The following RTN4 variants were observed in gnomAD, a reference collection of about 807,000 sequenced individuals.
The protein encoded by RTN4 is reticulon 4.
A neutral mutation model predicts 90.4 loss-of-function variants in RTN4; 32 were observed. That is an observed-to-expected ratio of 0.35 (90% confidence interval 0.27 to 0.48). The LOEUF is 0.48. Ranked by LOEUF, RTN4 falls within the 20% of genes least tolerant of loss-of-function variation. The pLI is 0.99. For missense variants in RTN4, 1,706 were observed against 1,430.2 expected, an observed-to-expected ratio of 1.19 and a Z score of -3.11; for synonymous variants, 629 against 552.5, an observed-to-expected ratio of 1.14 and a Z score of -1.94.
At chr2:55,131,756 C>T in the RTN4 span, among the ~76,000 whole-genome samples, 2 of 151,950 alleles carry the variant, frequency 1.3e-5, no homozygotes, top group Non-Finnish European at 2.9e-5. Context: ...TGGTGGTGTG[C>T]ACCTGTAATC....
chr2:54,991,556 T>C (rs913663533), intron 3 of RTN4, among the ~76,000 whole-genome samples: 2 of 152,200 alleles, frequency 1.3e-5, no homozygotes, highest in African/African-American at 4.8e-5. Context: ...TTCTAATCTC[T>C]CTTTTCCCTT....
At chr2:55,092,409 AT>A (rs769612282) in intron 1 of RTN4, among the ~76,000 whole-genome samples, 27 of 151,898 alleles carry the variant, frequency 1.8e-4, no homozygotes, top group Admixed American at 4.6e-4. Flanking sequence ...CTAATTTTGT[AT>A]TTTTAGTAGA....
intron 3 of RTN4, among the ~76,000 whole-genome samples, chr2:55,014,138 T>C (rs1680854315): frequency 6.6e-6 from 1 of 152,204 alleles, no homozygotes; most frequent in African/African-American, 2.4e-5. Flanking sequence ...ATGCCCTCTA[T>C]GGACTAAATT....
chr2:54,974,020 T>A, intron 6 of RTN4, 153 bp from the exon 7 acceptor site: 2 of 618,404 alleles, frequency 3.2e-6, no homozygotes, highest in South Asian at 4.0e-5. Context: ...CATCTGCTGT[T>A]GAGGAGCCAC....
chr2:54,997,143 AAT>A (rs1156607159), intron 3 of RTN4, among the ~76,000 whole-genome samples: 2 of 152,232 alleles, frequency 1.3e-5, no homozygotes, highest in Non-Finnish European at 2.9e-5. Flanking sequence ...TTGTACTCAG[AAT>A]ATATTGAAAA....
intron 1 of RTN4, among the ~76,000 whole-genome samples, chr2:55,036,551 A>G (rs1682695446): frequency 6.9e-6 from 1 of 143,958 alleles, no homozygotes; most frequent in Admixed American, 7.5e-5. Context: ...GCAGTGAGCC[A>G]ATATCGTGCC....
chr2:55,079,572 A>G (rs1178396674), intron 2 of RTN4, among the ~76,000 whole-genome samples: 2 of 152,154 alleles, frequency 1.3e-5, no homozygotes, highest in Non-Finnish European at 2.9e-5. Flanking sequence ...TTCAATAAAA[A>G]CTGAAAATCT....
intron 1 of RTN4, chr2:55,046,795 T>G (rs1380254295): frequency 6.6e-6 from 1 of 152,196 alleles, no homozygotes; most frequent in Non-Finnish European, 1.5e-5. Context: ...ACAACCATAA[T>G]CACAATGTTC....
chr2:55,134,614 T>A, the RTN4 span, among the ~76,000 whole-genome samples: 4 of 152,138 alleles, frequency 2.6e-5, no homozygotes, highest in South Asian at 8.3e-4. Context: ...GCAAAGAGAA[T>A]ATTATTCTTC....
upstream of RTN4, among the ~76,000 whole-genome samples, chr2:55,112,865 C>T (rs1325226082): frequency 2.0e-5 from 3 of 152,382 alleles, no homozygotes; most frequent in Non-Finnish European, 2.9e-5. Context: ...TGCCAACCCC[C>T]AGCTGGAGTT....
chr2:54,997,563 A>G (rs1679528427), intron 3 of RTN4, among the ~76,000 whole-genome samples: 1 of 152,232 alleles, frequency 6.6e-6, no homozygotes, highest in East Asian at 1.9e-4. Flanking sequence ...TCATAGCAGC[A>G]TTATTCATGA....
chr2:55,021,884 T>C, intron 3 of RTN4, among the ~76,000 whole-genome samples: 1 of 152,262 alleles, frequency 6.6e-6, no homozygotes, highest in South Asian at 2.1e-4. Flanking sequence ...CTCTATTCCC[T>C]AGTAAGTTGC....
At chr2:55,089,058 G>C (rs538750896) in intron 1 of RTN4, among the ~76,000 whole-genome samples, 1 of 151,946 alleles carries the variant, frequency 6.6e-6, no homozygotes, top group Non-Finnish European at 1.5e-5. Flanking sequence ...TCAGCCTCCC[G>C]AGTAGCTGGG....
At chr2:54,995,435 TC>T (rs754590679) in intron 3 of RTN4, among the ~76,000 whole-genome samples, 1 of 152,100 alleles carries the variant, frequency 6.6e-6, no homozygotes, top group Non-Finnish European at 1.5e-5. Context: ...TAGGAGCACC[TC>T]CTACCACCAC....
chr2:55,038,548 A>G (rs1682848004), intron 1 of RTN4, among the ~76,000 whole-genome samples: 1 of 152,230 alleles, frequency 6.6e-6, no homozygotes, highest in South Asian at 2.1e-4. Flanking sequence ...CCCTAGGGAA[A>G]TCTAGATTAA....
At chr2:54,983,060 T>C (rs2104648253) in intron 4 of RTN4, among the ~76,000 whole-genome samples, 2 of 151,814 alleles carry the variant, frequency 1.3e-5, no homozygotes, top group South Asian at 2.1e-4. Context: ...GTTATGACTA[T>C]GGTTGTTTTT....
At chr2:55,117,193 G>A (rs1298644945), upstream of RTN4, among the ~76,000 whole-genome samples, 1 of 152,120 alleles carries the variant, frequency 6.6e-6, no homozygotes, top group African/African-American at 2.4e-5. Context: ...TTTCTTACGT[G>A]ATGGATCAGA....
the RTN4 span, among the ~76,000 whole-genome samples, chr2:55,137,375 G>T: frequency 6.6e-6 from 1 of 152,162 alleles, no homozygotes; most frequent in Non-Finnish European, 1.5e-5. Context: ...TGACGCTACG[G>T]AGTCAGGAAA....
rs1573418140 is a variant in RTN4, at chr2:55,026,848, T to C, written c.1251A>G (p.Glu417=). ...AAGGKIESNL[E]SKVDKKCFAD... ...CAAAACATTTTTTATCCACTTTACT[T>C]TCCAAGTTGCTCTCGATTTTACCTC... Residue 417 remains glutamate, a synonymous_variant, in exon 3 of 9, where the codon GAA becomes GAG. Transcript: ENST00000337526. 2.5e-6 allele frequency: 4 copies of C among 1,613,924 alleles called. No homozygotes were observed. In the East Asian group the frequency reaches 8.9e-5, roughly 36 times the overall value.
Sources: gnomAD v4.1 joint callset for allele counts (sites outside exome capture counted in the v4.1 genomes callset) on GRCh38, gnomAD v4.1.1 for gene constraint, MANE v1.5 for transcripts, NCBI Gene and HGNC (gene_info 2026-07-23, HGNC 2026-07-21) for gene names.